CD2AP: variants seen among roughly 807,000 people sequenced by gnomAD.
CD2AP encodes the protein CD2-associated protein.
A neutral mutation model predicts 85.1 loss-of-function variants in CD2AP; 46 were observed. The ratio of observed to expected loss-of-function variants is 0.54; its 90% CI spans 0.43 to 0.69. The LOEUF is 0.69. Among genes scored for constraint, CD2AP ranks in the 30% least tolerant of loss-of-function variants. The pLI is 0.00. For missense variants in CD2AP, 769 were observed against 729.5 expected (o/e 1.05, Z -0.62); for synonymous variants, 255 against 252.9 (o/e 1.01, Z -0.08).
At chr6:47,598,286 T>C (rs1769004063) in intron 12 of CD2AP, among the ~76,000 whole-genome samples, 1 of 151,036 alleles carries the variant, frequency 6.6e-6, no homozygotes, top group Non-Finnish European at 1.5e-5. Flanking sequence ...AAGGGAACAC[T>C]TGTACACTGC....
rs535153702 is a variant in CD2AP at position 47,574,376 on chromosome 6, G to C, written c.729+125G>C. On this transcript the variant is annotated intron_variant, in intron 6 of 17. Transcript: ENST00000359314. ...TTCAGATCACTAATAATTTGGTTAT[G>C]AATGAGGAGGCTGTGAGAAATTTTG... 17 of 823,458 alleles carry C rather than the reference G, an allele frequency of 2.1e-5. No homozygotes were observed. In the South Asian group the frequency reaches 2.3e-4, roughly 11 times the overall value. 51.0% of individuals were successfully genotyped at this position (823,458 alleles called of 1,614,324 possible). A position where few individuals can be genotyped will look rare whatever the true frequency, so the allele number is the denominator to read the frequency against.
At chr6:47,569,515 A>T (rs1027925166) in intron 5 of CD2AP, among the ~76,000 whole-genome samples, 5 of 151,616 alleles carry the variant, frequency 3.3e-5, no homozygotes, top group African/African-American at 7.3e-5. Flanking sequence ...TGTTTGTGCC[A>T]TTTATCCCTC....
chr6:47,567,588 A>T (rs1768038211), intron 5 of CD2AP, among the ~76,000 whole-genome samples: 1 of 152,216 alleles, frequency 6.6e-6, no homozygotes, highest in African/African-American at 2.4e-5. Context: ...AATGTATATA[A>T]GTGGGCTAAT....
Position 47,478,129 on chromosome 6 carries a change from A to G in CD2AP, c.-116A>G. ...ACTCTTCGCCCCGCCTGAGCTCAGG[A>G]GGGGCTAGCGCGGAGCGCGGGTCCC... is the stretch of plus-strand genomic sequence containing the variant. On this transcript the variant is annotated 5_prime_UTR_variant, in exon 1 of 18. Transcript: ENST00000359314. The G allele has an allele frequency of 7.5e-7, 1 of 1,329,310 alleles. No homozygotes were observed. The highest frequency in any genetic ancestry group is 1.3e-5 in the South Asian group (1 of 79,526). The allele number at this position is 1,329,310 out of a possible 1,614,324, so 82.3% of individuals were successfully genotyped here.
rs1445988995 is a variant in CD2AP, at chr6:47,625,133, A to G, written c.*906A>G. On this transcript the variant is annotated 3_prime_UTR_variant, in exon 18 of 18. Transcript: ENST00000359314. The stretch of plus-strand genomic sequence containing the variant: ...ACTTTTCTGCTTATTTTACAGCCTC[A>G]AATATTTCTCATTATCTTGTCACTT... 1 of 151,862 alleles carries G rather than the reference A, an allele frequency of 6.6e-6. No individual in the cohort carries two copies. The highest frequency in any genetic ancestry group is 2.4e-5 in the African/African-American group (1 of 41,434). 9.4% of individuals were successfully genotyped at this position (151,862 alleles called of 1,614,324 possible).
rs78868534 is a variant in CD2AP, at chr6:47,612,206, A to C, written c.1815-267A>C. ...GCCGAATATAGAAAATTTCTTCTAA[A>C]GGTTAGATATTATTTCTGTCTTCGT... On this transcript the variant is annotated intron_variant, in intron 16 of 17. Coordinates refer to ENST00000359314, the MANE Select transcript of CD2AP (RefSeq NM_012120.3). 0.016 allele frequency among the ~76,000 whole-genome samples: 2,378 copies of C among 152,200 alleles called. 42 individuals carry two copies. Among genetic ancestry groups the C allele is most frequent in the African/African-American group, 0.038 (1,593 of 41,546 alleles).
chr6:47,495,294 C>CA (rs1480989051), intron 1 of CD2AP, among the ~76,000 whole-genome samples: 1 of 152,122 alleles, frequency 6.6e-6, no homozygotes, highest in Non-Finnish European at 1.5e-5. Flanking sequence ...GGAGACGTAA[C>CA]AGTGGAACAG....
intron 17 of CD2AP, among the ~76,000 whole-genome samples, chr6:47,615,777 AT>A (rs1307204341): frequency 5.7e-4 from 46 of 81,090 alleles, no homozygotes; most frequent in East Asian, 1.3e-3. Flanking sequence ...TTTAATTTTA[AT>A]TTTAATTTAA....
At chr6:47,492,745 C>T (rs1255182647) in intron 1 of CD2AP, among the ~76,000 whole-genome samples, 1 of 151,970 alleles carries the variant, frequency 6.6e-6, no homozygotes, top group Non-Finnish European at 1.5e-5. Context: ...TGTTTTTCCC[C>T]TTGGTCATTC....
Position 47,589,565 on chromosome 6 carries a change from C to CACATATATATATATATATATATAT in CD2AP, c.1109-6295_1109-6294insCATATATATATATATATATATATA, listed in dbSNP as rs139814970. ...ACACATATATATACACACACACACA[C>CACATATATATATATATATATATAT]ATATATATATATATATTTGTCAGAG... is the stretch of plus-strand genomic sequence containing the variant. On this transcript the variant is annotated intron_variant, in intron 11 of 17. Coordinates refer to ENST00000359314, the MANE Select transcript of CD2AP (RefSeq NM_012120.3). Among the ~76,000 whole-genome samples the CACATATATATATATATATATATAT allele has an allele frequency of 9.6e-3, 1,165 of 120,744 alleles. 16 individuals are homozygous for CACATATATATATATATATATATAT. The highest frequency in any genetic ancestry group is 0.04 in the South Asian group (129 of 3,250). 79.2% of individuals were successfully genotyped at this position (120,744 alleles called of 152,430 possible).
At chr6:47,572,997 T>C (rs889744246) in intron 5 of CD2AP, among the ~76,000 whole-genome samples, 2 of 152,188 alleles carry the variant, frequency 1.3e-5, no homozygotes, top group African/African-American at 4.8e-5. Context: ...TCTTAAATGT[T>C]TCTGGATTTT....
chr6:47,599,339 AAACTGAGCCAGT>A lies in CD2AP; in HGVS notation c.1315_1326del (p.Thr439_Val442del). 1.2e-6 allele frequency: 2 copies of A among 1,612,308 alleles called. No homozygotes were observed. The highest frequency in any genetic ancestry group is 1.7e-6 in the Non-Finnish European group (2 of 1,178,854). ...GTTTCTAGCATTTCATCAAAATTTG[AAACTGAGCCAGT>A]ATCAAAACTAAAGCTAGATTCTGAA... is the stretch of plus-strand genomic sequence containing the variant. On this transcript the variant is annotated inframe_deletion, in exon 13 of 18. Transcript: ENST00000359314.
intron 17 of CD2AP, among the ~76,000 whole-genome samples, chr6:47,619,261 A>G (rs1203742897): frequency 6.6e-6 from 1 of 152,170 alleles, no homozygotes; most frequent in Non-Finnish European, 1.5e-5. Flanking sequence ...AGTCTGTTCT[A>G]TCATTCTTAT....
chr6:47,507,680 C>T (rs1476315805), intron 2 of CD2AP, among the ~76,000 whole-genome samples: 4 of 152,190 alleles, frequency 2.6e-5, no homozygotes, highest in Non-Finnish European at 5.9e-5. Context: ...CTCCTGACCT[C>T]GTGATCTGCC....
intron 11 of CD2AP, among the ~76,000 whole-genome samples, chr6:47,587,801 C>T (rs1321279873): frequency 6.6e-6 from 1 of 152,130 alleles, no homozygotes; most frequent in Non-Finnish European, 1.5e-5. Flanking sequence ...ATGTCCTCCT[C>T]ACTTCCTATA....
intron 16 of CD2AP, among the ~76,000 whole-genome samples, chr6:47,611,115 G>A (rs1410971050): frequency 1.3e-5 from 2 of 148,692 alleles, no homozygotes; most frequent in East Asian, 3.9e-4. Flanking sequence ...GCAGGAGAAG[G>A]GATAAATACT....
At chr6:47,544,513 A>G in intron 3 of CD2AP, 93 bp from the exon 4 acceptor site, 1 of 821,196 alleles carries the variant, frequency 1.2e-6, no homozygotes, top group Non-Finnish European at 2.1e-6. Flanking sequence ...TTATTTATTT[A>G]TATAAGTCCT....
chr6:47,594,623 G>A (rs549400738), intron 11 of CD2AP, among the ~76,000 whole-genome samples: 14 of 151,740 alleles, frequency 9.2e-5, no homozygotes, highest in Admixed American at 3.3e-4. Flanking sequence ...GCTTTATTTC[G>A]TTATTGATTT....
At chr6:47,543,011 C>T (rs981380784) in intron 3 of CD2AP, among the ~76,000 whole-genome samples, 18 of 151,696 alleles carry the variant, frequency 1.2e-4, no homozygotes, top group South Asian at 6.3e-4. Flanking sequence ...ATTAGCTGGG[C>T]GTGGTGGCGC....
Sources: allele counts gnomAD v4.1 joint callset (sites outside exome capture counted in the v4.1 genomes callset), GRCh38; gene constraint gnomAD v4.1.1; transcripts MANE v1.5; gene names NCBI Gene and HGNC (gene_info 2026-07-23, HGNC 2026-07-21).